DPYD: variants seen among roughly 807,000 people sequenced by gnomAD.
The protein encoded by DPYD is dihydropyrimidine dehydrogenase.
DPYD carries 109 observed loss-of-function variants against 116.2 expected under a neutral mutation model. The observed-to-expected ratio is 0.94, with a 90% CI of 0.80 to 1.10. The LOEUF (loss-of-function observed/expected upper bound fraction) is 1.10, where lower values mean the gene tolerates loss of function less well. Among genes scored for constraint, DPYD ranks in the 50% least tolerant of loss-of-function variants. The pLI, the probability that DPYD is intolerant of heterozygous loss-of-function variation, is 0.00. For missense variants in DPYD, 1,302 were observed against 1,254.5 expected, an observed-to-expected ratio of 1.04 and a Z score of -0.57; for synonymous variants, 440 against 432.0, an observed-to-expected ratio of 1.02 and a Z score of -0.23.
intron 14 of DPYD, among the ~76,000 whole-genome samples, chr1:97,387,501 T>C (rs1368906729): frequency 1.3e-5 from 2 of 152,104 alleles, no homozygotes; most frequent in African/African-American, 4.8e-5. Flanking sequence ...GATACTTTAA[T>C]TGGACCATTT....
chr1:97,258,005 T>C (rs1663619131), intron 18 of DPYD, among the ~76,000 whole-genome samples: 1 of 152,100 alleles, frequency 6.6e-6, no homozygotes, highest in African/African-American at 2.4e-5. Flanking sequence ...ATAACTAGCA[T>C]TTTGAATGCA....
chr1:97,528,150 A>T (rs561891091), intron 12 of DPYD, among the ~76,000 whole-genome samples: 1 of 152,182 alleles, frequency 6.6e-6, no homozygotes, highest in African/African-American at 2.4e-5. Context: ...ATTGAGGGAA[A>T]AATCTTACAG....
intron 21 of DPYD, among the ~76,000 whole-genome samples, chr1:97,092,934 C>G (rs917086897): frequency 3.9e-5 from 6 of 152,086 alleles, no homozygotes; most frequent in African/African-American, 1.4e-4. Context: ...AATTTCATCT[C>G]TGTTTCCATT....
chr1:97,170,921 C>A (rs969369914), intron 20 of DPYD, among the ~76,000 whole-genome samples: 1 of 152,116 alleles, frequency 6.6e-6, no homozygotes, highest in Admixed American at 6.6e-5. Context: ...GATCCACAAA[C>A]CTCGGCCTCC....
chr1:97,386,809 A>T (rs1672374019), intron 14 of DPYD, among the ~76,000 whole-genome samples: 1 of 152,120 alleles, frequency 6.6e-6, no homozygotes, highest in Admixed American at 6.6e-5. Context: ...TTTACTTTTT[A>T]TTAAAAGAGA....
At chr1:97,547,302 G>C (rs1650971481) in intron 12 of DPYD, among the ~76,000 whole-genome samples, 1 of 152,138 alleles carries the variant, frequency 6.6e-6, no homozygotes, top group South Asian at 2.1e-4. Context: ...TGGGGGGCAG[G>C]AAATGCAGAA....
rs558741169 is a variant in DPYD, at chr1:97,252,479, T to C, written c.2300-17485A>G. On this transcript the variant is annotated intron_variant, in intron 18 of 22. Coordinates refer to ENST00000370192, the MANE Select transcript of DPYD (RefSeq NM_000110.4). Reference sequence around the variant, plus strand: ...TTCCAATTTATATTGTTGACATAAGTGTCTCATCGTCCAAATGCTTAAATT... The same window carrying C: ...TTCCAATTTATATTGTTGACATAAGCGTCTCATCGTCCAAATGCTTAAATT... Among the ~76,000 whole-genome samples the C allele has an allele frequency of 3.7e-4, 56 of 152,342 alleles. 1 individual carries two copies. In the South Asian group the frequency reaches 0.011, roughly 30 times the overall value.
chr1:97,790,966 C>A (rs1424716852), intron 3 of DPYD, among the ~76,000 whole-genome samples: 4 of 152,086 alleles, frequency 2.6e-5, no homozygotes, highest in African/African-American at 9.7e-5. Flanking sequence ...ATAAGTTATT[C>A]TGTTGAGCTT....
At chr1:97,120,632 G>A (rs1365250640) in intron 20 of DPYD, among the ~76,000 whole-genome samples, 1 of 152,138 alleles carries the variant, frequency 6.6e-6, no homozygotes, top group East Asian at 1.9e-4. Flanking sequence ...CAGCCAATTT[G>A]TGTCAATAGG....
At chr1:97,305,642 G>C (rs1396491200) in intron 17 of DPYD, among the ~76,000 whole-genome samples, 1 of 151,862 alleles carries the variant, frequency 6.6e-6, no homozygotes, top group Non-Finnish European at 1.5e-5. Flanking sequence ...TTATTTTCCA[G>C]GTAATTTACA....
At chr1:97,466,941 G>C (rs764026103) in intron 13 of DPYD, among the ~76,000 whole-genome samples, 31 of 152,128 alleles carry the variant, frequency 2.0e-4, no homozygotes, top group African/African-American at 7.0e-4. Flanking sequence ...GGCCTGCAGT[G>C]GGGGGTGGAG....
intron 3 of DPYD, among the ~76,000 whole-genome samples, chr1:97,811,095 T>G (rs1321683755): frequency 6.6e-6 from 1 of 152,184 alleles, no homozygotes; most frequent in Non-Finnish European, 1.5e-5. Flanking sequence ...GACTTCAGCT[T>G]GATTAACTCT....
chr1:97,749,162 G>A (rs1664730457), intron 3 of DPYD, among the ~76,000 whole-genome samples: 1 of 152,116 alleles, frequency 6.6e-6, no homozygotes, highest in South Asian at 2.1e-4. Context: ...TCATGTTCCA[G>A]GGTAAGGCAG....
At chr1:97,462,417 A>G (rs903148191) in intron 13 of DPYD, among the ~76,000 whole-genome samples, 1 of 152,162 alleles carries the variant, frequency 6.6e-6, no homozygotes, top group African/African-American at 2.4e-5. Flanking sequence ...TGTAAACTAA[A>G]AATAAAATTC....
intron 8 of DPYD, among the ~76,000 whole-genome samples, chr1:97,670,567 C>A (rs1659807482): frequency 6.6e-6 from 1 of 152,196 alleles, no homozygotes; most frequent in South Asian, 2.1e-4. Flanking sequence ...TGATCTCAGA[C>A]TTCTAGCCTC....
At chr1:97,776,184 T>C (rs1017585911) in intron 3 of DPYD, among the ~76,000 whole-genome samples, 11 of 145,100 alleles carry the variant, frequency 7.6e-5, no homozygotes, top group African/African-American at 3.2e-4. Flanking sequence ...TTTTCACCAC[T>C]GATTGTATTT....
chr1:97,210,984 C>T (rs1659995829), intron 19 of DPYD, among the ~76,000 whole-genome samples: 1 of 152,128 alleles, frequency 6.6e-6, no homozygotes, highest in Non-Finnish European at 1.5e-5. Context: ...TGCCTCACTG[C>T]AATACTTTCT....
At chr1:97,241,328 T>G (rs1662325528) in intron 18 of DPYD, among the ~76,000 whole-genome samples, 1 of 151,980 alleles carries the variant, frequency 6.6e-6, no homozygotes, top group South Asian at 2.1e-4. Context: ...TAGAGTGATT[T>G]CCACGTGCAG....
rs555111475 is a variant in DPYD at position 97,601,397 on chromosome 1, A to T, written c.851-6231T>A. Reference sequence around the variant, plus strand: ...CAAATAAAGAAGATATTGCAAACTAATCATAAGCCATTTGGGTGGCTGTAT... The same window carrying T: ...CAAATAAAGAAGATATTGCAAACTATTCATAAGCCATTTGGGTGGCTGTAT... On this transcript the variant is annotated intron_variant, in intron 8 of 22. Coordinates refer to ENST00000370192, the MANE Select transcript of DPYD (RefSeq NM_000110.4). 5.3e-5 allele frequency among the ~76,000 whole-genome samples: 8 copies of T among 152,188 alleles called. No homozygotes were observed. The South Asian group carries it at 1.7e-3, about 32-fold the overall frequency.
Sources: allele counts gnomAD v4.1 joint callset (sites outside exome capture counted in the v4.1 genomes callset), GRCh38; gene constraint gnomAD v4.1.1; transcripts MANE v1.5; gene names NCBI Gene and HGNC (gene_info 2026-07-23, HGNC 2026-07-21).